NKAIN2: variants seen among roughly 807,000 people sequenced by gnomAD.
NKAIN2 encodes sodium/potassium transporting ATPase interacting 2, also known as sodium/potassium-transporting ATPase subunit beta-1-interacting protein 2.
Under a neutral mutation model 32.6 loss-of-function variants are expected in NKAIN2, and 14 were observed. The observed-to-expected ratio is 0.43, with a 90% CI of 0.28 to 0.67. The LOEUF (loss-of-function observed/expected upper bound fraction) is 0.67, where lower values mean the gene tolerates loss of function less well. NKAIN2 is among the 30% of genes least tolerant of loss of function. NKAIN2 has a pLI of 0.17. For synonymous variants in NKAIN2, 80 were observed against 87.2 expected (o/e 0.92, Z 0.46); for missense variants, 198 against 258.3 (o/e 0.77, Z 1.60).
At chr6:123,952,055 C>A (rs1424033698) in intron 1 of NKAIN2, among the ~76,000 whole-genome samples, 2 of 151,986 alleles carry the variant, frequency 1.3e-5, no homozygotes, top group Non-Finnish European at 2.9e-5. Context: ...TCATGTAGGA[C>A]TTCGTTAAGC....
chr6:124,350,140 A>G (rs996433129), intron 2 of NKAIN2, among the ~76,000 whole-genome samples: 5 of 152,222 alleles, frequency 3.3e-5, no homozygotes, highest in Admixed American at 1.3e-4. Context: ...ATATTAGGTC[A>G]TCTCTCCAGG....
intron 5 of NKAIN2, among the ~76,000 whole-genome samples, chr6:124,805,616 C>T (rs1414131070): frequency 3.9e-5 from 6 of 152,192 alleles, no homozygotes; most frequent in Non-Finnish European, 8.8e-5. Context: ...CAGTTCCTCA[C>T]CAGCAATGGA....
intron 1 of NKAIN2, among the ~76,000 whole-genome samples, chr6:123,852,516 C>G (rs138624345): frequency 6.6e-5 from 10 of 152,172 alleles, no homozygotes; most frequent in Non-Finnish European, 1.5e-4. Context: ...AGTATATATT[C>G]AAAGGAAATA....
chr6:123,921,666 A>T (rs1775761156), intron 1 of NKAIN2, among the ~76,000 whole-genome samples: 1 of 152,204 alleles, frequency 6.6e-6, no homozygotes, highest in African/African-American at 2.4e-5. Context: ...ACCATTGGAG[A>T]TATTTAATTA....
chr6:124,046,811 CATG>C (rs1782157538), intron 1 of NKAIN2, among the ~76,000 whole-genome samples: 1 of 151,818 alleles, frequency 6.6e-6, no homozygotes, highest in South Asian at 2.1e-4. Context: ...TGGTGTACAT[CATG>C]ATGAACACCA....
intron 1 of NKAIN2, among the ~76,000 whole-genome samples, chr6:123,961,076 C>G (rs535320744): frequency 5.9e-5 from 9 of 152,232 alleles, no homozygotes; most frequent in African/African-American, 2.2e-4. Context: ...CTATGTGTGT[C>G]TTTCCCCTTG....
intron 1 of NKAIN2, among the ~76,000 whole-genome samples, chr6:124,042,128 T>C (rs1384262402): frequency 6.6e-6 from 1 of 152,098 alleles, no homozygotes; most frequent in Non-Finnish European, 1.5e-5. Flanking sequence ...GAAAGAAAAG[T>C]CTGACTTCAA....
At chr6:124,259,168 G>A (rs1329587832) in intron 1 of NKAIN2, among the ~76,000 whole-genome samples, 1 of 152,080 alleles carries the variant, frequency 6.6e-6, no homozygotes, top group African/African-American at 2.4e-5. Flanking sequence ...ACCATATGTG[G>A]CACTCTCTAC....
At chr6:124,430,910 T>G (rs561674361) in intron 3 of NKAIN2, among the ~76,000 whole-genome samples, 1 of 152,250 alleles carries the variant, frequency 6.6e-6, no homozygotes, top group South Asian at 2.1e-4. Flanking sequence ...CCTTACAAGC[T>G]TTCAGTTACT....
At chr6:124,621,667 T>C (rs1783110770) in intron 3 of NKAIN2, among the ~76,000 whole-genome samples, 1 of 152,152 alleles carries the variant, frequency 6.6e-6, no homozygotes, top group South Asian at 2.1e-4. Flanking sequence ...AATTACAGGG[T>C]CCATGCACCT....
Position 123,942,712 on chromosome 6 carries a change from A to G in NKAIN2, c.54+138458A>G, listed in dbSNP as rs235676. Among the ~76,000 whole-genome samples the G allele has an allele frequency of 3.9e-3, 586 of 152,160 alleles. 5 individuals are homozygous for G. Among genetic ancestry groups the G allele is most frequent in the African/African-American group, 0.014 (567 of 41,550 alleles). On this transcript the variant is annotated intron_variant, in intron 1 of 6. Transcript: ENST00000368417. ...TAGCTCTAGGGTTTCATGACTATGA[A>G]GGCGATTTCAAGGTTTGACTTGTCA...
chr6:124,813,478 G>A lies in NKAIN2; in HGVS notation c.536-4909G>A, dbSNP rs570601409. Among the ~76,000 whole-genome samples, 463 of 152,190 alleles carry A rather than the reference G, an allele frequency of 3.0e-3. 5 individuals are homozygous for A. Among genetic ancestry groups the A allele is most frequent in the African/African-American group, 0.011 (448 of 41,534 alleles). On this transcript the variant is annotated intron_variant, in intron 5 of 6. Transcript: ENST00000368417. Reference sequence around the variant, plus strand: ...TTTTGTTAAATTAATAATTTAGAAAGTACATAAAAATGTGATTTGATGCTT... The same window carrying A: ...TTTTGTTAAATTAATAATTTAGAAAATACATAAAAATGTGATTTGATGCTT...
intron 3 of NKAIN2, among the ~76,000 whole-genome samples, chr6:124,484,963 G>T (rs1245229197): frequency 6.6e-6 from 1 of 152,074 alleles, no homozygotes; most frequent in African/African-American, 2.4e-5. Context: ...ATAAAAAAAA[G>T]AGCCCCTTCT....
At chr6:123,815,110 G>A (rs935531875) in intron 1 of NKAIN2, among the ~76,000 whole-genome samples, 3 of 151,640 alleles carry the variant, frequency 2.0e-5, no homozygotes, top group Non-Finnish European at 2.9e-5. Context: ...TGAAAAGAAC[G>A]TCAAGCCGTG....
At chr6:124,663,059 A>G (rs2114444954) in intron 4 of NKAIN2, among the ~76,000 whole-genome samples, 1 of 152,320 alleles carries the variant, frequency 6.6e-6, no homozygotes, top group South Asian at 2.1e-4. Context: ...ATTAAAAAAT[A>G]AAACAGTATT....
intron 1 of NKAIN2, among the ~76,000 whole-genome samples, chr6:123,884,593 G>A (rs575054819): frequency 1.6e-4 from 24 of 152,120 alleles, no homozygotes; most frequent in Middle Eastern, 3.4e-3. Context: ...GAGAAATTTA[G>A]CAATGATAAG....
In NKAIN2 at chr6:123,960,674, G is replaced by A. The variant is rs139952762; in HGVS notation, c.54+156420G>A. ...CTCTGCTTGAGCCACAGGCACTAAC[G>A]TGTATTTATTAGGTGGAAGCAGGCC... is the stretch of plus-strand genomic sequence containing the variant. On this transcript the variant is annotated intron_variant, in intron 1 of 6. Transcript: ENST00000368417. 1.7e-3 allele frequency among the ~76,000 whole-genome samples: 255 copies of A among 151,746 alleles called. 2 individuals are homozygous for A. The highest frequency in any genetic ancestry group is 2.6e-3 in the Non-Finnish European group (178 of 67,932).
chr6:124,329,309 C>T (rs1172314803), intron 2 of NKAIN2, among the ~76,000 whole-genome samples: 1 of 152,158 alleles, frequency 6.6e-6, no homozygotes. Context: ...CAAACATATT[C>T]TTTTCTGGAC....
At chr6:124,791,204 G>A (rs1396673763) in intron 4 of NKAIN2, 135 bp from the exon 5 acceptor site, 2 of 555,100 alleles carry the variant, frequency 3.6e-6, no homozygotes, top group Admixed American at 2.5e-5. Context: ...TGAAGTCAAG[G>A]TCCAGTCCGA....
Sources: allele counts gnomAD v4.1 joint callset (sites outside exome capture counted in the v4.1 genomes callset), GRCh38; gene constraint gnomAD v4.1.1; transcripts MANE v1.5; gene names NCBI Gene and HGNC (gene_info 2026-07-23, HGNC 2026-07-21).